ELAPOR2: variants seen among roughly 807,000 people sequenced by gnomAD.
ELAPOR2 encodes endosome/lysosome-associated apoptosis and autophagy regulator family member 2.
Under a neutral mutation model 120.7 loss-of-function variants are expected in ELAPOR2, and 89 were observed. The observed-to-expected ratio is 0.74, with a 90% CI of 0.62 to 0.88. The LOEUF is 0.88. Ranked by LOEUF, ELAPOR2 falls within the 40% of genes least tolerant of loss-of-function variation. The pLI, the probability that ELAPOR2 is intolerant of heterozygous loss-of-function variation, is 0.00. For missense variants in ELAPOR2, 1,134 were observed against 1,251.6 expected, an observed-to-expected ratio of 0.91 and a Z score of 1.42; for synonymous variants, 444 against 444.9, an observed-to-expected ratio of 1.00 and a Z score of 0.03.
intron 21 of ELAPOR2, among the ~76,000 whole-genome samples, chr7:86,887,171 T>A (rs1010316577): frequency 4.6e-5 from 7 of 152,092 alleles, no homozygotes; most frequent in Non-Finnish European, 8.8e-5. Flanking sequence ...TATGTGTCAC[T>A]CATGTAGATG....
At chr7:86,966,764 C>A (rs983152815) in intron 1 of ELAPOR2, among the ~76,000 whole-genome samples, 1 of 152,144 alleles carries the variant, frequency 6.6e-6, no homozygotes, top group Non-Finnish European at 1.5e-5. Flanking sequence ...ATCAAGGTAT[C>A]GCCAGGCCAC....
intron 1 of ELAPOR2, among the ~76,000 whole-genome samples, chr7:87,055,512 AT>A (rs1795234458): frequency 6.6e-6 from 1 of 152,076 alleles, no homozygotes; most frequent in Non-Finnish European, 1.5e-5. Flanking sequence ...TTACAATACA[AT>A]GCTGTTTCAT....
intron 1 of ELAPOR2, among the ~76,000 whole-genome samples, chr7:87,006,835 T>C (rs1562965371): frequency 6.6e-6 from 1 of 152,124 alleles, no homozygotes; most frequent in Non-Finnish European, 1.5e-5. Context: ...ATAGGTAAAT[T>C]GTGGTACAGT....
chr7:86,970,542 A>G (rs1324407466), intron 1 of ELAPOR2, among the ~76,000 whole-genome samples: 2 of 152,176 alleles, frequency 1.3e-5, no homozygotes, highest in African/African-American at 4.8e-5. Flanking sequence ...GGAGACAACA[A>G]GAGATTGCAG....
chr7:86,996,578 G>A (rs187793119), intron 1 of ELAPOR2, among the ~76,000 whole-genome samples: 117 of 152,180 alleles, frequency 7.7e-4, no homozygotes, highest in Non-Finnish European at 1.4e-3. Flanking sequence ...CAGTGAAATG[G>A]GAAGCCATTA....
chr7:86,924,315 T>C (rs533472114), intron 10 of ELAPOR2, among the ~76,000 whole-genome samples: 92 of 151,890 alleles, frequency 6.1e-4, no homozygotes, highest in African/African-American at 2.2e-3. Flanking sequence ...GTTTAAGCTA[T>C]GAATAAGTCC....
intron 2 of ELAPOR2, among the ~76,000 whole-genome samples, chr7:86,955,131 G>T (rs1398219717): frequency 6.6e-6 from 1 of 152,084 alleles, no homozygotes; most frequent in Non-Finnish European, 1.5e-5. Flanking sequence ...ATTGAATCCA[G>T]CAAATCTCAG....
intron 14 of ELAPOR2, 116 bp from the exon 15 acceptor site, chr7:86,912,361 T>C (rs1162932645): frequency 4.6e-5 from 26 of 566,936 alleles, no homozygotes; most frequent in Non-Finnish European, 6.5e-5. Flanking sequence ...GTCTTAGCTA[T>C]AATATACTTT....
chr7:86,949,310 T>TA (rs1234044570), intron 2 of ELAPOR2, among the ~76,000 whole-genome samples: 1 of 152,170 alleles, frequency 6.6e-6, no homozygotes, highest in Non-Finnish European at 1.5e-5. Flanking sequence ...TTTCTGTCTC[T>TA]AAAAAATGAG....
chr7:86,878,586 T>A lies in ELAPOR2; in HGVS notation c.*1885A>T, dbSNP rs1252257827. The A allele has an allele frequency of 2.0e-5, 3 of 152,134 alleles. No individual in the cohort carries two copies. Among genetic ancestry groups the A allele is most frequent in the Non-Finnish European group, 4.4e-5 (3 of 68,008 alleles). The allele number at this position is 152,134 out of a possible 1,614,324, so 9.4% of individuals were successfully genotyped here. A position where few individuals can be genotyped will look rare whatever the true frequency, so the allele number is the denominator to read the frequency against. ...GGAAGATGAGGAGAAAGGTGACAGGTGGCTGTGGAAGTTTTCTCACTCTGT... is the reference window on the plus strand; with the variant it reads ...GGAAGATGAGGAGAAAGGTGACAGGAGGCTGTGGAAGTTTTCTCACTCTGT... On this transcript the variant is annotated 3_prime_UTR_variant, in exon 22 of 22. Transcript: ENST00000450689.
At chr7:86,983,696 T>G (rs937049182) in intron 1 of ELAPOR2, among the ~76,000 whole-genome samples, 1 of 152,208 alleles carries the variant, frequency 6.6e-6, no homozygotes, top group Non-Finnish European at 1.5e-5. Context: ...GCACTAAACA[T>G]GGGAAGGAAC....
intron 1 of ELAPOR2, among the ~76,000 whole-genome samples, chr7:86,993,246 A>AAAAAG (rs1554402331): frequency 9.0e-5 from 13 of 144,036 alleles, no homozygotes; most frequent in African/African-American, 2.1e-4. Flanking sequence ...AAAAAAAAAA[A>AAAAAG]AAAAGAAAAA....
At chr7:87,046,560 C>T (rs980594171) in intron 1 of ELAPOR2, among the ~76,000 whole-genome samples, 1 of 152,172 alleles carries the variant, frequency 6.6e-6, no homozygotes. Context: ...CATGTGTCGA[C>T]GGAGGGAACT....
At chr7:87,023,399 G>A (rs1794128185) in intron 1 of ELAPOR2, among the ~76,000 whole-genome samples, 1 of 152,032 alleles carries the variant, frequency 6.6e-6, no homozygotes, top group Admixed American at 6.6e-5. Context: ...ATTTCTGAGG[G>A]CTCTGTTCTG....
chr7:86,914,976 A>G (rs966662122), intron 12 of ELAPOR2, 116 bp from the exon 13 acceptor site: 2 of 835,140 alleles, frequency 2.4e-6, no homozygotes, highest in African/African-American at 1.8e-5. Flanking sequence ...GTTTATGACT[A>G]TTTACAAACA....
intron 20 of ELAPOR2, 107 bp from the exon 21 acceptor site, chr7:86,891,996 A>G (rs1274522747): frequency 1.1e-5 from 8 of 717,310 alleles, no homozygotes; most frequent in Non-Finnish European, 1.7e-5. Context: ...GACTTGGAGT[A>G]TAATTGCTCC....
At chr7:87,056,330 C>T (rs1795260806) in intron 1 of ELAPOR2, among the ~76,000 whole-genome samples, 1 of 152,152 alleles carries the variant, frequency 6.6e-6, no homozygotes, top group Non-Finnish European at 1.5e-5. Context: ...AAGTGAAACA[C>T]AGGCCAAGAA....
intron 1 of ELAPOR2, among the ~76,000 whole-genome samples, chr7:87,032,358 A>G (rs183039749): frequency 2.1e-4 from 32 of 152,196 alleles, no homozygotes; most frequent in Non-Finnish European, 4.3e-4. Flanking sequence ...GCAATGCCTG[A>G]GCCATATTAA....
chr7:87,049,896 G>A, intron 1 of ELAPOR2, among the ~76,000 whole-genome samples: 1 of 152,180 alleles, frequency 6.6e-6, no homozygotes, highest in East Asian at 1.9e-4. Flanking sequence ...ATTGGTTCAT[G>A]AGGGCTCCAT....
Sources: allele counts gnomAD v4.1 joint callset (sites outside exome capture counted in the v4.1 genomes callset), GRCh38; gene constraint gnomAD v4.1.1; transcripts MANE v1.5; gene names NCBI Gene and HGNC (gene_info 2026-07-23, HGNC 2026-07-21).